Variants in GRID1 observed in about 807,000 individuals in gnomAD.
The protein encoded by GRID1 is glutamate receptor ionotropic, delta-1.
In GRID1, 28 loss-of-function variants were observed where a neutral mutation model predicts 98.0. The ratio of observed to expected loss-of-function variants is 0.29; its 90% CI spans 0.21 to 0.39. GRID1 has a LOEUF of 0.39. Ranked by LOEUF, GRID1 falls within the 10% of genes least tolerant of loss-of-function variation. GRID1 has a pLI of 1.00. For synonymous variants in GRID1, 553 were observed against 538.5 expected (o/e 1.03, Z -0.37); for missense variants, 1,111 against 1,340.5 (o/e 0.83, Z 2.67).
chr10:86,006,147 C>G (rs1430391881), intron 4 of GRID1, among the ~76,000 whole-genome samples: 6 of 152,148 alleles, frequency 3.9e-5, no homozygotes, highest in African/African-American at 1.4e-4. Flanking sequence ...AGTCCTAAAA[C>G]AGATATTATT....
intron 4 of GRID1, among the ~76,000 whole-genome samples, chr10:86,082,890 G>A (rs1843997370): frequency 6.6e-6 from 1 of 152,182 alleles, no homozygotes. Context: ...TGTGTTCCCA[G>A]CAGGCAAGGA....
At chr10:85,989,939 A>G (rs1470562188) in intron 4 of GRID1, among the ~76,000 whole-genome samples, 2 of 152,194 alleles carry the variant, frequency 1.3e-5, no homozygotes, top group Admixed American at 6.5e-5. Flanking sequence ...AAGAAGCCCC[A>G]GGTTGCTCCC....
rs34448773 is a variant in GRID1 at position 86,050,895 on chromosome 10, T to TAA, written c.726+87922_726+87923dup. On this transcript the variant is annotated intron_variant, in intron 4 of 15. Transcript: ENST00000327946. ...AATCACAAGAACCAGGAAAAAAAGT[T>TAA]AAAAAAAAAAAAAAAAGAATAGCTG... Among the ~76,000 whole-genome samples the TAA allele has an allele frequency of 6.8e-4, 88 of 129,196 alleles. 1 individual carries two copies. The highest frequency in any genetic ancestry group is 4.0e-3 in the Middle Eastern group (1 of 250). 84.8% of individuals were successfully genotyped at this position (129,196 alleles called of 152,430 possible).
rs1314652234 is a variant in GRID1, at chr10:86,299,079, A to G, written c.235+64862T>C. 1.2e-4 allele frequency among the ~76,000 whole-genome samples: 18 copies of G among 152,150 alleles called. 1 individual carries two copies. The highest frequency in any genetic ancestry group is 2.9e-5 in the Non-Finnish European group (2 of 68,004). ...TATAAGGGGAGCTATCATCACCTCT[A>G]CTTTATAGATGCCCTCACAAGCTCA... On this transcript the variant is annotated intron_variant, in intron 2 of 15. Coordinates refer to ENST00000327946, the MANE Select transcript of GRID1 (RefSeq NM_017551.3).
chr10:85,957,771 C>A (rs1053837950), intron 4 of GRID1, among the ~76,000 whole-genome samples: 5 of 152,148 alleles, frequency 3.3e-5, no homozygotes, highest in African/African-American at 4.8e-5. Context: ...GCCACCCATT[C>A]CCAGGTAACT....
At chr10:86,049,860 A>C (rs1461837588) in intron 4 of GRID1, among the ~76,000 whole-genome samples, 1 of 152,116 alleles carries the variant, frequency 6.6e-6, no homozygotes, top group African/African-American at 2.4e-5. Flanking sequence ...AGCTATTGTC[A>C]GTGTTTCTTT....
At chr10:85,836,735 T>C (rs1287715124) in intron 8 of GRID1, among the ~76,000 whole-genome samples, 1 of 152,200 alleles carries the variant, frequency 6.6e-6, no homozygotes, top group Non-Finnish European at 1.5e-5. Context: ...ACTGTCAGAC[T>C]TGATCTCTGT....
chr10:86,062,740 T>C (rs1181735373), intron 4 of GRID1, among the ~76,000 whole-genome samples: 3 of 152,130 alleles, frequency 2.0e-5, no homozygotes, highest in Non-Finnish European at 4.4e-5. Context: ...GACCGTAAGC[T>C]CCTTGAAAGG....
intron 2 of GRID1, among the ~76,000 whole-genome samples, chr10:86,244,459 A>G (rs898161085): frequency 6.6e-6 from 1 of 152,270 alleles, no homozygotes; most frequent in Admixed American, 6.5e-5. Flanking sequence ...ATTACAGATT[A>G]AATCGGGGAT....
chr10:86,361,632 T>C (rs1848602008), intron 2 of GRID1, among the ~76,000 whole-genome samples: 1 of 152,240 alleles, frequency 6.6e-6, no homozygotes, highest in South Asian at 2.1e-4. Context: ...TTTGGGGCGC[T>C]TACAGGTTGA....
At chr10:86,130,314 G>A (rs906109040) in intron 4 of GRID1, among the ~76,000 whole-genome samples, 1 of 152,216 alleles carries the variant, frequency 6.6e-6, no homozygotes, top group Non-Finnish European at 1.5e-5. Context: ...AGGAGGCCAG[G>A]AAATACTGGG....
chr10:85,876,502 T>C (rs1843333344), intron 5 of GRID1, among the ~76,000 whole-genome samples: 1 of 152,222 alleles, frequency 6.6e-6, no homozygotes, highest in African/African-American at 2.4e-5. Context: ...AACTTCATCA[T>C]ATCTGCAAAA....
intron 8 of GRID1, among the ~76,000 whole-genome samples, chr10:85,775,569 GA>G (rs1376142080): frequency 6.6e-6 from 1 of 152,138 alleles, no homozygotes; most frequent in African/African-American, 2.4e-5. Context: ...AAGTGTTGCA[GA>G]ACTAACTATT....
chr10:85,861,645 C>T (rs1200861881), intron 6 of GRID1, among the ~76,000 whole-genome samples: 2 of 152,196 alleles, frequency 1.3e-5, no homozygotes, highest in Non-Finnish European at 2.9e-5. Flanking sequence ...GCAAGGCTGG[C>T]TCAGCCACGG....
At chr10:86,185,194 T>C (rs918522921) in intron 3 of GRID1, among the ~76,000 whole-genome samples, 8 of 152,136 alleles carry the variant, frequency 5.3e-5, no homozygotes, top group African/African-American at 1.9e-4. Flanking sequence ...GTACAGATCT[T>C]GCTGATTTTT....
At chr10:85,664,454 G>C (rs1840997891) in intron 12 of GRID1, among the ~76,000 whole-genome samples, 1 of 152,162 alleles carries the variant, frequency 6.6e-6, no homozygotes, top group Non-Finnish European at 1.5e-5. Context: ...TTACATCTCA[G>C]ACTTTTCCAT....
At chr10:85,998,055 T>C (rs771358982) in intron 4 of GRID1, among the ~76,000 whole-genome samples, 9 of 152,076 alleles carry the variant, frequency 5.9e-5, no homozygotes, top group Non-Finnish European at 1.2e-4. Context: ...TTTTATAGAC[T>C]CCAACACAAC....
intron 2 of GRID1, among the ~76,000 whole-genome samples, chr10:86,352,138 T>C (rs1200905566): frequency 6.6e-6 from 1 of 152,190 alleles, no homozygotes; most frequent in Non-Finnish European, 1.5e-5. Context: ...CCGTCTCTAC[T>C]AAAAATACAG....
At position 85,682,686 on chromosome 10, in the gene GRID1, G is replaced by C. The variant is rs562701947; in HGVS notation, c.1998-35289C>G. Among the ~76,000 whole-genome samples, 5 of 152,332 alleles carry C rather than the reference G, an allele frequency of 3.3e-5. No individual in the cohort carries two copies. The East Asian group carries it at 9.7e-4, about 29-fold the overall frequency. ...CTGTAATTTCCAACTAGGGTGTGGA[G>C]AGGAGATGGAGGCCTCAGACACCCT... On this transcript the variant is annotated intron_variant, in intron 12 of 15. Transcript: ENST00000327946.
Sources: allele counts gnomAD v4.1 joint callset (sites outside exome capture counted in the v4.1 genomes callset), GRCh38; gene constraint gnomAD v4.1.1; transcripts MANE v1.5; gene names NCBI Gene and HGNC (gene_info 2026-07-23, HGNC 2026-07-21).